The following BCAR1 variants were observed in gnomAD, a reference collection of about 807,000 sequenced individuals.
BCAR1 encodes BCAR1 scaffold protein, Cas family member.
A neutral mutation model predicts 67.6 loss-of-function variants in BCAR1; 30 were observed. That is an observed-to-expected ratio of 0.44 (90% CI 0.33 to 0.60). The LOEUF is 0.60. Ranked by LOEUF, BCAR1 falls within the 20% of genes least tolerant of loss-of-function variation. BCAR1 has a pLI of 0.02. For synonymous variants in BCAR1, 626 were observed against 556.7 expected (o/e 1.12, Z -1.75); for missense variants, 1,313 against 1,222.3 (o/e 1.07, Z -1.11).
chr16:75,247,882 GCCCAAGA>G lies in BCAR1; in HGVS notation c.12+3582_12+3588del, dbSNP rs1019899020. 4 of 665,480 alleles carry G rather than the reference GCCCAAGA, an allele frequency of 6.0e-6. No homozygotes were observed. The African/African-American group carries it at 7.2e-5, about 12-fold the overall frequency. The allele number at this position is 665,480 out of a possible 1,614,324, so 41.2% of individuals were successfully genotyped here. A position where few individuals can be genotyped will look rare whatever the true frequency, so the allele number is the denominator to read the frequency against. Reference sequence around the variant, plus strand: ...AAAATGGCAAGAACTCCTGTTCTCTGCCCAAGACCCCAGGGTTGGGGGCAGACAAGGA... The same window carrying G: ...AAAATGGCAAGAACTCCTGTTCTCTGCCCCAGGGTTGGGGGCAGACAAGGA... On this transcript the variant is annotated intron_variant, in intron 1 of 6. Transcript: ENST00000162330.
intron 1 of BCAR1, among the ~76,000 whole-genome samples, chr16:75,245,666 C>G (rs892217546): frequency 2.6e-5 from 4 of 152,210 alleles, no homozygotes; most frequent in African/African-American, 9.6e-5. Context: ...ACAGGCTGGG[C>G]ACGTGGCACC....
intron 1 of BCAR1, among the ~76,000 whole-genome samples, chr16:75,245,787 C>G (rs1024598664): frequency 2.0e-5 from 3 of 152,082 alleles, no homozygotes; most frequent in Admixed American, 6.5e-5. Context: ...GGCCAGGGCC[C>G]CCGCCTCTCC....
Position 75,243,064 on chromosome 16 carries a change from G to A in BCAR1, c.39C>T (p.Asp13=). Residue 13 remains aspartate, a synonymous_variant, in exon 2 of 7, where the codon GAC becomes GAT. Transcript: ENST00000162330. ...GCTCATCCGGGGACTCGGCCACATT[G>A]TCATAGAGCGCTTTGGCCAGCACGT... ...HLNVLAKALY[D]NVAESPDELS... is the part of the protein sequence containing the mutation. The A allele has an allele frequency of 3.1e-6, 5 of 1,601,858 alleles. No individual in the cohort carries two copies. The highest frequency in any genetic ancestry group is 4.3e-6 in the Non-Finnish European group (5 of 1,171,452).
At chr16:75,261,494 A>G (rs1169324473) in intron 1 of BCAR1, among the ~76,000 whole-genome samples, 3 of 152,244 alleles carry the variant, frequency 2.0e-5, no homozygotes, top group Non-Finnish European at 4.4e-5. Context: ...ACTGCTGCAG[A>G]CCACACCTGA....
Position 75,235,064 on chromosome 16 carries a change from G to A in BCAR1, c.1835C>T (p.Ala612Val), listed in dbSNP as rs112019183. 2.9e-4 allele frequency: 460 copies of A among 1,613,118 alleles called. 1 individual carries two copies. The African/African-American group carries it at 5.2e-3, about 18-fold the overall frequency. The change falls in exon 5 of 7, where the codon GCC (alanine) becomes GTC (valine). Residue 612 changes from alanine to valine, a missense_variant. By Grantham distance (64) the Ala-to-Val change is moderately conservative. Coordinates refer to ENST00000162330, the MANE Select transcript of BCAR1 (RefSeq NM_014567.5). ...SLLFRRTKAT[A>V]PGPEGGGTLH... is the part of the protein sequence containing the mutation. ...GGTGCCACCCCCCTCAGGCCCCGGG[G>A]CAGTGGCCTTGGTCCGTCTGAAGAG... is the stretch of plus-strand genomic sequence containing the variant.
At position 75,242,494 on chromosome 16, in the gene BCAR1, C is replaced by G; in HGVS notation, c.609G>C (p.Trp203Cys). ...CCTTTGCCGGGGGCTTCGTGCCCTC[C>G]CAGCTGCGTGTGTCCATGGACGGGG... The part of the protein sequence containing the change: ...QVPPSMDTRS[W>C]EGTKPPAKVV... Residue 203 changes from tryptophan to cysteine, a missense_variant, in exon 2 of 7, where the codon TGG (tryptophan) becomes TGC (cysteine). Physicochemically the swap from Trp to Cys is radical, Grantham distance 215. Coordinates refer to ENST00000162330, the MANE Select transcript of BCAR1 (RefSeq NM_014567.5). 1.4e-6 allele frequency: 2 copies of G among 1,462,496 alleles called. No individual in the cohort carries two copies. The highest frequency in any genetic ancestry group is 1.4e-5 in the African/African-American group (1 of 69,748). 90.6% of individuals were successfully genotyped at this position (1,462,496 alleles called of 1,614,324 possible). A position where few individuals can be genotyped will look rare whatever the true frequency, so the allele number is the denominator to read the frequency against.
chr16:75,248,810 C>T (rs2077596515), intron 1 of BCAR1: 1 of 152,806 alleles, frequency 6.5e-6, no homozygotes, highest in African/African-American at 2.4e-5. Flanking sequence ...TGCAGGCCCT[C>T]AGCCCCACGC....
intron 1 of BCAR1, chr16:75,250,761 T>C (rs1420555962): frequency 2.0e-6 from 2 of 985,482 alleles, no homozygotes; most frequent in East Asian, 2.3e-4. Context: ...CTCCAAAGCC[T>C]TCATGTCCAC....
intron 1 of BCAR1, chr16:75,248,234 G>T: frequency 5.9e-6 from 9 of 1,523,508 alleles, no homozygotes; most frequent in Non-Finnish European, 7.9e-6. Context: ...AAATGTCACA[G>T]GCCTTTCCCA....
At chr16:75,264,132 G>C (rs778943574) in intron 1 of BCAR1, 4 of 1,298,264 alleles carry the variant, frequency 3.1e-6, no homozygotes, top group Non-Finnish European at 3.9e-6. Context: ...TACCCAGCCC[G>C]CTGTTCCTCT....
chr16:75,236,647 C>G (rs992858699), intron 4 of BCAR1: 1 of 746,336 alleles, frequency 1.3e-6, no homozygotes. Flanking sequence ...TGCGGATACC[C>G]TCTCAGGAGC....
In BCAR1 at chr16:75,235,553, G is replaced by A. The variant is rs752527177; in HGVS notation, c.1346C>T (p.Pro449Leu). The part of the protein sequence containing the change: ...QSASSLEVAG[P>L]GREPLELEVA... ...TTCCAGCTCCAGGGGTTCCCGGCCC[G>A]GCCCTGCCACCTCCAAGGAGGACGC... The change falls in exon 5 of 7, where the codon CCG (proline) becomes CTG (leucine). Residue 449 changes from proline (P) to leucine (L), a missense_variant. Physicochemically the swap from Pro to Leu is moderately conservative, Grantham distance 98 (BLOSUM62 -3). Transcript: ENST00000162330. 2.1e-5 allele frequency: 34 copies of A among 1,594,202 alleles called. No individual in the cohort carries two copies. The highest frequency in any genetic ancestry group is 6.7e-5 in the African/African-American group (5 of 74,600).
chr16:75,249,912 G>C (rs1363389421), intron 1 of BCAR1: 1 of 152,288 alleles, frequency 6.6e-6, no homozygotes, highest in Non-Finnish European at 1.5e-5. Flanking sequence ...CGAGGTTCTG[G>C]ATCCAATTCT....
chr16:75,259,807 ATGCCAC>A lies in BCAR1; in HGVS notation c.66+8102_66+8107del, dbSNP rs2077859476. On this transcript the variant is annotated intron_variant, in intron 1 of 6. Transcript: ENST00000393422. ...GTGGAGGTTGCAGTGAGCCAAGATC[ATGCCAC>A]TGCACTACAGCTTGGGTGACAGAAT... Among the ~76,000 whole-genome samples, 3 of 140,128 alleles carry A rather than the reference ATGCCAC, an allele frequency of 2.1e-5. No individual in the cohort carries two copies. The South Asian group carries it at 7.0e-4, about 33-fold the overall frequency. The allele number at this position is 140,128 out of a possible 152,430, so 91.9% of individuals were successfully genotyped here.
chr16:75,237,014 T>C lies in BCAR1; in HGVS notation c.796-16A>G, dbSNP rs1459838225. On this transcript the variant is annotated splice_polypyrimidine_tract_variant and intron_variant, in intron 3 of 6. Transcript: ENST00000162330. ...TGTCATACACCTGGGGCAGAAACAG[T>C]GCAGGGTTAACGGCGCCAGGGCCAC... 2 of 1,579,592 alleles carry C rather than the reference T, an allele frequency of 1.3e-6. No individual in the cohort carries two copies. The highest frequency in any genetic ancestry group is 2.7e-5 in the African/African-American group (2 of 74,190).
At chr16:75,264,403 C>G in intron 1 of BCAR1, 1 of 1,533,008 alleles carries the variant, frequency 6.5e-7, no homozygotes, top group Non-Finnish European at 8.7e-7. Context: ...CCAGTGCCCA[C>G]AGGAGCAGGG....
chr16:75,233,833 T>G lies in BCAR1; in HGVS notation c.2100+13A>C, dbSNP rs1234856873. On this transcript the variant is annotated intron_variant, in intron 6 of 6. Transcript: ENST00000162330. ...CGGGCAAAGCTGGGCCTTGCTCTGC[T>G]CCGGGGCCTCACCTGCTGCAACTCC... 1 of 1,592,416 alleles carries G rather than the reference T, an allele frequency of 6.3e-7. No individual in the cohort carries two copies. Among genetic ancestry groups the G allele is most frequent in the Non-Finnish European group, 8.5e-7 (1 of 1,169,682 alleles).
At chr16:75,260,010 A>C (rs903342902) in intron 1 of BCAR1, among the ~76,000 whole-genome samples, 1 of 152,132 alleles carries the variant, frequency 6.6e-6, no homozygotes, top group Non-Finnish European at 1.5e-5. Flanking sequence ...TCTGGCCAAC[A>C]TGGTGAAACC....
intron 1 of BCAR1, among the ~76,000 whole-genome samples, chr16:75,260,239 C>T (rs2151478941): frequency 6.6e-6 from 1 of 152,116 alleles, no homozygotes; most frequent in South Asian, 2.1e-4. Flanking sequence ...CTACTGTAGG[C>T]TTCCAGTTGC....
Sources: gnomAD v4.1 joint callset for allele counts (sites outside exome capture counted in the v4.1 genomes callset) on GRCh38, gnomAD v4.1.1 for gene constraint, MANE v1.5 for transcripts, NCBI Gene and HGNC (gene_info 2026-07-23, HGNC 2026-07-21) for gene names.